BAX: variants seen among roughly 807,000 people sequenced by gnomAD.
The protein encoded by BAX is BCL2 associated X, apoptosis regulator.
In BAX, 21 loss-of-function variants were observed where a neutral mutation model predicts 26.8. The observed-to-expected ratio is 0.78, with a 90% confidence interval of 0.56 to 1.13. The LOEUF (loss-of-function observed/expected upper bound fraction) is 1.13, where lower values mean the gene tolerates loss of function less well. Ranked by LOEUF, BAX falls within the 50% of genes most tolerant of loss-of-function variation. BAX has a pLI of 0.00. For missense variants in BAX, 236 were observed against 254.6 expected (o/e 0.93, Z 0.50); for synonymous variants, 110 against 101.8 (o/e 1.08, Z -0.49).
Position 48,955,690 on chromosome 19 carries a change from C to A in BAX, c.90C>A (p.Phe30Leu). 6.2e-7 allele frequency: 1 copy of A among 1,612,012 alleles called. No homozygotes were observed. Among genetic ancestry groups the A allele is most frequent in the Non-Finnish European group, 8.5e-7 (1 of 1,178,656 alleles). Residue 30 changes from phenylalanine (F) to leucine (L), a missense_variant, in exon 3 of 6, where the codon TTC becomes TTA. Physicochemically the swap from Phe to Leu is conservative, Grantham distance 22 (BLOSUM62 0). Coordinates refer to ENST00000345358, the MANE Select transcript of BAX (RefSeq NM_138761.4). ...MKTGALLLQG[F>L]IQDRAGRMGG... ...CCTCACTCCATCCCCACTCTAGTTT[C>A]ATCCAGGATCGAGCAGGGCGAATGG...
In BAX at chr19:48,960,860, A is replaced by T. The variant is rs753430330; in HGVS notation, c.420A>T (p.Thr140=). The T allele has an allele frequency of 5.0e-6, 8 of 1,614,126 alleles. No homozygotes were observed. Among genetic ancestry groups the T allele is most frequent in the Non-Finnish European group, 6.8e-6 (8 of 1,180,020 alleles). Residue 140 remains threonine (T), a synonymous_variant, in exon 5 of 6, where the codon ACA becomes ACT. Coordinates refer to ENST00000345358, the MANE Select transcript of BAX (RefSeq NM_138761.4). The part of the protein sequence containing the change: ...PELIRTIMGW[T]LDFLRERLLG... The stretch of plus-strand genomic sequence containing the variant: ...TGATCAGAACCATCATGGGCTGGAC[A>T]TTGGACTTCCTCCGGGAGCGGCTGT...
intron 3 of BAX, 167 bp downstream of exon 3, chr19:48,956,000 C>A: frequency 8.8e-7 from 1 of 1,134,522 alleles, no homozygotes. Flanking sequence ...TCTTAAAACC[C>A]TCCTTCAGGG....
At chr19:48,956,616 C>T (rs896098965) in intron 4 of BAX, among the ~76,000 whole-genome samples, 1 of 151,260 alleles carries the variant, frequency 6.6e-6, no homozygotes, top group Non-Finnish European at 1.5e-5. Context: ...GTAAAGTGGG[C>T]AGTGTGATTT....
chr19:48,957,518 G>A (rs186893967), intron 4 of BAX, among the ~76,000 whole-genome samples: 3,024 of 149,600 alleles, frequency 0.02, 68 homozygotes, highest in East Asian at 0.08. Context: ...CAAGTGATCC[G>A]CCCACCTTGG....
At chr19:48,956,980 C>A (rs1055420379) in intron 4 of BAX, among the ~76,000 whole-genome samples, 84 of 150,868 alleles carry the variant, frequency 5.6e-4, no homozygotes, top group African/African-American at 2.0e-3. Flanking sequence ...CCAGGAAAGA[C>A]TTCTAAGGGC....
Position 48,954,959 on chromosome 19 carries a change from G to T in BAX, c.31G>T (p.Gly11Trp), listed in dbSNP as rs770934324. Residue 11 changes from glycine (G) to tryptophan (W), a missense_variant, in exon 1 of 6, where the codon GGG becomes TGG. Transcript: ENST00000345358. The part of the protein sequence containing the change: MDGSGEQPRG[G>W]GPTSSEQIMK... ...CGGGTCCGGGGAGCAGCCCAGAGGC[G>T]GGGGTGAGGCGGGAGGCAGACGGGC... The T allele has an allele frequency of 1.8e-5, 22 of 1,245,156 alleles. No individual in the cohort carries two copies. The highest frequency in any genetic ancestry group is 2.1e-5 in the Non-Finnish European group (21 of 993,680). The allele number at this position is 1,245,156 out of a possible 1,614,324, so 77.1% of individuals were successfully genotyped here.
chr19:48,957,145 G>A (rs995416521), intron 4 of BAX, among the ~76,000 whole-genome samples: 2 of 150,696 alleles, frequency 1.3e-5, no homozygotes, highest in Admixed American at 1.3e-4. Flanking sequence ...TTTGACAGTA[G>A]GGAGGAGGCC....
At chr19:48,956,819 C>CTTTTTTT (rs56251427) in intron 4 of BAX, among the ~76,000 whole-genome samples, 81 of 87,324 alleles carry the variant, frequency 9.3e-4, no homozygotes, top group African/African-American at 2.1e-3. Flanking sequence ...TTATCCCTGG[C>CTTTTTTT]TTTTTTTTTT....
In BAX at chr19:48,954,966, A is replaced by G. The variant is rs1457664555; in HGVS notation, c.34+4A>G. 1 of 1,221,906 alleles carries G rather than the reference A, an allele frequency of 8.2e-7. No individual in the cohort carries two copies. The highest frequency in any genetic ancestry group is 1.0e-6 in the Non-Finnish European group (1 of 980,488). 75.7% of individuals were successfully genotyped at this position (1,221,906 alleles called of 1,614,324 possible). A position where few individuals can be genotyped will look rare whatever the true frequency, so the allele number is the denominator to read the frequency against. ...GGGGAGCAGCCCAGAGGCGGGGGTG[A>G]GGCGGGAGGCAGACGGGCGGGAGGA... On this transcript the variant is annotated splice_donor_region_variant and intron_variant, in intron 1 of 5. Transcript: ENST00000345358.
chr19:48,956,104 C>A, intron 3 of BAX, 94 bp from the exon 4 acceptor site: 1 of 1,404,112 alleles, frequency 7.1e-7, no homozygotes. Flanking sequence ...GCTTGGGGCT[C>A]AGTCTCCTTA....
chr19:48,960,964 C>T (rs2038333586), intron 5 of BAX, 50 bp downstream of exon 5: 2 of 1,612,798 alleles, frequency 1.2e-6, no homozygotes, highest in African/African-American at 2.7e-5. Context: ...CTCACCACCG[C>T]CCCTGCCCCA....
chr19:48,958,819 A>T (rs1045646416), intron 4 of BAX, among the ~76,000 whole-genome samples: 4 of 151,632 alleles, frequency 2.6e-5, no homozygotes, highest in Admixed American at 2.0e-4. Context: ...TGCTGGGATT[A>T]CAGGCGTGAG....
At chr19:48,958,335 T>C (rs973672651) in intron 4 of BAX, among the ~76,000 whole-genome samples, 1 of 148,404 alleles carries the variant, frequency 6.7e-6, no homozygotes, top group Non-Finnish European at 1.5e-5. Context: ...GGGATATTTC[T>C]TTTTGGAAGA....
chr19:48,955,650 G>A (rs200950226), intron 2 of BAX, 37 bp from the exon 3 acceptor site: 4 of 1,612,546 alleles, frequency 2.5e-6, no homozygotes, highest in South Asian at 1.1e-5. Flanking sequence ...GTGACACCCC[G>A]TTCTGATTCT....
chr19:48,954,903 G>A lies in BAX; in HGVS notation c.-26G>A, dbSNP rs1161187379. The A allele has an allele frequency of 1.6e-6, 2 of 1,231,422 alleles. No homozygotes were observed. Among genetic ancestry groups the A allele is most frequent in the Non-Finnish European group, 2.0e-6 (2 of 987,180 alleles). 76.3% of individuals were successfully genotyped at this position (1,231,422 alleles called of 1,614,324 possible). ...CTGCGGCCGCCCGCGCGGACCCGGC[G>A]AGAGGCGGCGGCGGGAGCGGCGGTG... On this transcript the variant is annotated 5_prime_UTR_variant, in exon 1 of 6. Coordinates refer to ENST00000345358, the MANE Select transcript of BAX (RefSeq NM_138761.4).
At chr19:48,955,924 C>G (rs2038111162) in intron 3 of BAX, 91 bp downstream of exon 3, 1 of 1,438,610 alleles carries the variant, frequency 7.0e-7, no homozygotes, top group Admixed American at 2.5e-5. Context: ...CCCCTAAGAA[C>G]TAGGAGTCTG....
rs765892616 is a variant in BAX at position 48,956,292 on chromosome 19, G to A, written c.328G>A (p.Val110Ile). 45 of 1,587,588 alleles carry A rather than the reference G, an allele frequency of 2.8e-5. No homozygotes were observed. The highest frequency in any genetic ancestry group is 3.6e-5 in the Admixed American group (2 of 55,120). The change falls in exon 4 of 6, where the codon GTT (valine) becomes ATT (isoleucine). Residue 110 changes from valine to isoleucine, a missense_variant. Val to Ile is a conservative substitution (Grantham distance 29, BLOSUM62 3). Coordinates refer to ENST00000345358, the MANE Select transcript of BAX (RefSeq NM_138761.4). The part of the protein sequence containing the change: ...FSDGNFNWGR[V>I]VALFYFASKL... ...TGACGGCAACTTCAACTGGGGCCGG[G>A]TTGTCGCCCTTTTCTACTTTGCCAG...
intron 4 of BAX, among the ~76,000 whole-genome samples, chr19:48,958,607 G>A (rs370462715): frequency 1.3e-5 from 2 of 150,292 alleles, no homozygotes; most frequent in Non-Finnish European, 3.0e-5. Flanking sequence ...GCAGTGGCGC[G>A]ATCTCAGCTC....
chr19:48,954,990 G>C, intron 1 of BAX, 28 bp downstream of exon 1: 1 of 1,239,960 alleles, frequency 8.1e-7, no homozygotes. Context: ...CGGGCGGGAG[G>C]AGGGCGAGCC....
Sources: gnomAD v4.1 joint callset for allele counts (sites outside exome capture counted in the v4.1 genomes callset) on GRCh38, gnomAD v4.1.1 for gene constraint, MANE v1.5 for transcripts, NCBI Gene and HGNC (gene_info 2026-07-23, HGNC 2026-07-21) for gene names.